The following TENM3 variants were observed in gnomAD, a reference collection of about 807,000 sequenced individuals.
TENM3 encodes the protein teneurin transmembrane protein 3.
Under a neutral mutation model 255.1 loss-of-function variants are expected in TENM3, and 63 were observed. That is an observed-to-expected ratio of 0.25 (90% CI 0.20 to 0.30). TENM3 has a LOEUF of 0.30. Ranked by LOEUF, TENM3 falls within the 10% of genes least tolerant of loss-of-function variation. The probability of loss-of-function intolerance (pLI) is 1.00; values close to 1 mark genes in which losing one functional copy is unlikely to be tolerated. For missense variants in TENM3, 2,929 were observed against 3,461.1 expected, an observed-to-expected ratio of 0.85 and a Z score of 3.86; for synonymous variants, 1,306 against 1,322.3, an observed-to-expected ratio of 0.99 and a Z score of 0.27.
chr4:181,917,440 G>C, the TENM3 span, among the ~76,000 whole-genome samples: 1 of 152,090 alleles, frequency 6.6e-6, no homozygotes. Context: ...TAGGCATTCA[G>C]TGAAATGTAA....
chr4:182,750,800 T>C (rs766994367), intron 19 of TENM3, among the ~76,000 whole-genome samples: 2 of 152,188 alleles, frequency 1.3e-5, no homozygotes, highest in Non-Finnish European at 2.9e-5. Context: ...ACATGGAGTT[T>C]GATAGATTCC....
chr4:182,472,748 G>A (rs549984204), intron 3 of TENM3, among the ~76,000 whole-genome samples: 5 of 151,882 alleles, frequency 3.3e-5, no homozygotes, highest in African/African-American at 4.8e-5. Flanking sequence ...AGAGAGTCTC[G>A]TTCTGTTGCT....
At chr4:181,509,280 C>A in the TENM3 span, among the ~76,000 whole-genome samples, 1 of 151,984 alleles carries the variant, frequency 6.6e-6, no homozygotes, top group South Asian at 2.1e-4. Context: ...TTATCAGAGA[C>A]AATTACTGGG....
intron 3 of TENM3, among the ~76,000 whole-genome samples, chr4:182,434,661 T>C (rs905149632): frequency 1.3e-5 from 2 of 151,230 alleles, no homozygotes; most frequent in African/African-American, 4.9e-5. Flanking sequence ...AAAAAAACCG[T>C]ATATTGGTAT....
the TENM3 span, among the ~76,000 whole-genome samples, chr4:181,620,261 A>C: frequency 7.4e-6 from 1 of 134,598 alleles, no homozygotes; most frequent in African/African-American, 2.6e-5. Context: ...ACTCTATCTC[A>C]AAATAAAAAT....
chr4:182,475,626 G>A (rs1276974424), intron 3 of TENM3, among the ~76,000 whole-genome samples: 1 of 152,188 alleles, frequency 6.6e-6, no homozygotes, highest in African/African-American at 2.4e-5. Context: ...TTAGAAACCA[G>A]AACATCTATC....
At chr4:182,727,455 C>CAAAA (rs10522655) in intron 13 of TENM3, among the ~76,000 whole-genome samples, 2 of 119,298 alleles carry the variant, frequency 1.7e-5, no homozygotes, top group Admixed American at 8.8e-5. Flanking sequence ...GACTCAGTCT[C>CAAAA]AAAAAAAAAG....
the TENM3 span, among the ~76,000 whole-genome samples, chr4:181,906,620 A>G: frequency 6.6e-6 from 1 of 152,250 alleles, no homozygotes; most frequent in Non-Finnish European, 1.5e-5. Context: ...AACACAAAGC[A>G]CAAACTCAAA....
intron 3 of TENM3, among the ~76,000 whole-genome samples, chr4:182,403,957 A>G (rs1045307050): frequency 1.3e-5 from 2 of 152,210 alleles, no homozygotes; most frequent in African/African-American, 4.8e-5. Flanking sequence ...CCTCGTCTCA[A>G]GAAATCCTCC....
chr4:182,019,180 C>T, the TENM3 span, among the ~76,000 whole-genome samples: 2 of 152,186 alleles, frequency 1.3e-5, no homozygotes, highest in Non-Finnish European at 2.9e-5. Flanking sequence ...TCTTTGGCTA[C>T]ACAGCATCTG....
chr4:182,189,783 A>C (rs2149782571), intron 1 of TENM3, among the ~76,000 whole-genome samples: 1 of 152,338 alleles, frequency 6.6e-6, no homozygotes, highest in South Asian at 2.1e-4. Context: ...GAGTGTGCTC[A>C]GATAGCCCTG....
the TENM3 span, among the ~76,000 whole-genome samples, chr4:181,606,461 G>T: frequency 6.6e-6 from 1 of 152,142 alleles, no homozygotes; most frequent in Admixed American, 6.5e-5. Context: ...ACAATGCTTG[G>T]TTCTCAGTTA....
the TENM3 span, among the ~76,000 whole-genome samples, chr4:181,482,855 A>G: frequency 1.2e-4 from 18 of 152,194 alleles, no homozygotes; most frequent in Non-Finnish European, 2.2e-4. Flanking sequence ...ATAAATATAA[A>G]TGGAAGGAAG....
chr4:182,264,928 G>GT (rs925297330), intron 1 of TENM3, among the ~76,000 whole-genome samples: 58 of 150,642 alleles, frequency 3.9e-4, no homozygotes, highest in Admixed American at 9.9e-4. Flanking sequence ...CTGAAAAATG[G>GT]TTTTTTTTTC....
chr4:182,463,268 G>C (rs1040764264), intron 3 of TENM3, among the ~76,000 whole-genome samples: 2 of 152,050 alleles, frequency 1.3e-5, no homozygotes, highest in African/African-American at 4.8e-5. Flanking sequence ...AAAAAACTCG[G>C]TGTTACTCTG....
the TENM3 span, among the ~76,000 whole-genome samples, chr4:181,655,844 A>G: frequency 9.9e-5 from 15 of 152,244 alleles, no homozygotes; most frequent in Admixed American, 7.2e-4. Flanking sequence ...AGGTGAAGGA[A>G]TAAGATAGCA....
the TENM3 span, among the ~76,000 whole-genome samples, chr4:182,034,972 T>A: frequency 2.0e-5 from 3 of 152,256 alleles, no homozygotes; most frequent in African/African-American, 7.2e-5. Context: ...TACCCTGAAG[T>A]GTGTTTTCCA....
intron 3 of TENM3, among the ~76,000 whole-genome samples, chr4:182,357,672 G>A (rs1276975342): frequency 2.0e-5 from 3 of 150,898 alleles, no homozygotes; most frequent in South Asian, 4.2e-4. Flanking sequence ...TGGGTTGCCT[G>A]TTCACTCTGA....
intron 18 of TENM3, 147 bp from the exon 19 acceptor site, chr4:182,743,023 A>G: frequency 1.2e-6 from 1 of 833,684 alleles, no homozygotes; most frequent in South Asian, 1.9e-5. Flanking sequence ...AGTTGAATAC[A>G]ATTCATTCCA....
Sources: gnomAD v4.1 joint callset for allele counts (sites outside exome capture counted in the v4.1 genomes callset) on GRCh38, gnomAD v4.1.1 for gene constraint, MANE v1.5 for transcripts, NCBI Gene and HGNC (gene_info 2026-07-23, HGNC 2026-07-21) for gene names.